Variants in CHLSN observed in about 807,000 individuals in gnomAD.
CHLSN encodes the protein cholesin.
chr7:1,065,477 G>T, the CHLSN span, among the ~76,000 whole-genome samples: 1 of 152,254 alleles, frequency 6.6e-6, no homozygotes, highest in East Asian at 1.9e-4. Flanking sequence ...AATGCTACTC[G>T]TCAGCGAAAT....
At chr7:1,078,097 T>G in the CHLSN span, 2 of 152,188 alleles carry the variant, frequency 1.3e-5, no homozygotes, top group African/African-American at 4.8e-5. Context: ...ATGACTGAGA[T>G]TCACGGTGGC....
the CHLSN span, chr7:987,286 C>T: frequency 1.7e-5 from 25 of 1,507,648 alleles, no homozygotes; most frequent in African/African-American, 1.9e-4. Flanking sequence ...CTTCTGCCCC[C>T]GGGGGACCCC....
chr7:1,028,288 C>A, the CHLSN span: 4 of 1,065,942 alleles, frequency 3.8e-6, no homozygotes, highest in African/African-American at 1.7e-5. Flanking sequence ...CCCGCGGGCA[C>A]GGACGGCGCC....
the CHLSN span, chr7:1,057,915 C>T: frequency 2.6e-6 from 2 of 775,356 alleles, no homozygotes; most frequent in Non-Finnish European, 2.4e-6. Flanking sequence ...GCGTGCACTG[C>T]CGCGGACCTA....
At chr7:1,081,888 T>G in the CHLSN span, 38 of 152,272 alleles carry the variant, frequency 2.5e-4, no homozygotes, top group African/African-American at 8.7e-4. Flanking sequence ...AGCTCCAGAC[T>G]CCGTTCTCGG....
chr7:993,409 T>A, the CHLSN span, among the ~76,000 whole-genome samples: 3 of 152,086 alleles, frequency 2.0e-5, no homozygotes, highest in South Asian at 2.1e-4. Flanking sequence ...AGCTGGAGGC[T>A]GCCAGCGCTC....
At chr7:1,049,434 C>T in the CHLSN span, among the ~76,000 whole-genome samples, 3 of 152,236 alleles carry the variant, frequency 2.0e-5, no homozygotes, top group Non-Finnish European at 4.4e-5. Context: ...AACCGAGGCA[C>T]ACAGCAAGGA....
the CHLSN span, among the ~76,000 whole-genome samples, chr7:1,101,045 G>C: frequency 6.6e-6 from 1 of 152,234 alleles, no homozygotes; most frequent in Admixed American, 6.5e-5. Context: ...CCGTTTCAGG[G>C]AACACAGGCC....
At chr7:1,023,026 G>A in the CHLSN span, 9 of 457,956 alleles carry the variant, frequency 2.0e-5, no homozygotes, top group East Asian at 6.9e-5. The surrounding 1 kb of genome is among the most constrained non-coding windows in gnomAD (Gnocchi z 5.0). Context: ...CGGCCGCCCC[G>A]CCCCTGCGGA....
the CHLSN span, among the ~76,000 whole-genome samples, chr7:982,563 C>T: frequency 1.3e-5 from 2 of 152,268 alleles, no homozygotes; most frequent in Non-Finnish European, 2.9e-5. Flanking sequence ...ATCCCCTGCC[C>T]GGGCGGCAGC....
the CHLSN span, among the ~76,000 whole-genome samples, chr7:1,033,232 C>T: frequency 6.6e-6 from 1 of 152,220 alleles, no homozygotes; most frequent in Admixed American, 6.5e-5. Context: ...AAGTGGAGTT[C>T]ACTCCAGAGG....
the CHLSN span, among the ~76,000 whole-genome samples, chr7:1,047,805 C>T: frequency 5.3e-5 from 8 of 152,204 alleles, no homozygotes; most frequent in Admixed American, 3.3e-4. Flanking sequence ...CAATAAGAAG[C>T]GCTGAGTCCC....
At chr7:1,084,987 G>A in the CHLSN span, among the ~76,000 whole-genome samples, 1 of 152,236 alleles carries the variant, frequency 6.6e-6, no homozygotes, top group Non-Finnish European at 1.5e-5. Context: ...GAGGGGCGCT[G>A]GGAAGGCACT....
chr7:1,072,899 G>A, the CHLSN span, among the ~76,000 whole-genome samples: 6 of 152,078 alleles, frequency 3.9e-5, no homozygotes, highest in African/African-American at 1.2e-4. Context: ...GGCCAGGCTG[G>A]TCTTGAACTC....
At chr7:1,059,869 AGTGGGGCGG>A in the CHLSN span, among the ~76,000 whole-genome samples, 768 of 24,118 alleles carry the variant, frequency 0.032, 67 homozygotes, top group Admixed American at 0.039. Flanking sequence ...GCGGGTCTGT[AGTGGGGCGG>A]GTCCGTAGTG....
the CHLSN span, among the ~76,000 whole-genome samples, chr7:1,059,834 T>G: frequency 1.3e-4 from 4 of 30,196 alleles, no homozygotes; most frequent in Admixed American, 7.6e-4. Flanking sequence ...GGGGCGGGTC[T>G]GTAGTGAGGC....
the CHLSN span, among the ~76,000 whole-genome samples, chr7:989,833 T>C: frequency 1.0e-4 from 15 of 146,944 alleles, no homozygotes; most frequent in African/African-American, 3.0e-4. Flanking sequence ...CTGGGGGCGG[T>C]GTGGTCGGCA....
At chr7:1,027,036 T>C in the CHLSN span, 1 of 152,234 alleles carries the variant, frequency 6.6e-6, no homozygotes, top group African/African-American at 2.4e-5. Flanking sequence ...GCCTGGAAGA[T>C]GTTTGAGCAA....
the CHLSN span, among the ~76,000 whole-genome samples, chr7:994,536 C>T: frequency 9.2e-5 from 14 of 152,108 alleles, no homozygotes; most frequent in Admixed American, 3.9e-4. Flanking sequence ...CTTGACCTCC[C>T]GAGCTCAAGC....
Sources: gnomAD v4.1 joint callset for allele counts (sites outside exome capture counted in the v4.1 genomes callset) on GRCh38, gnomAD v4.1.1 for gene constraint, Gnocchi (gnomAD v3.1) non-coding constraint, MANE v1.5 for transcripts, NCBI Gene and HGNC (gene_info 2026-07-23, HGNC 2026-07-21) for gene names.